The following DNTT variants were observed in gnomAD, a reference collection of about 807,000 sequenced individuals.
The protein encoded by DNTT is nucleosidetriphosphate:DNA deoxynucleotidylexotransferase.
In DNTT, 47 loss-of-function variants were observed where a neutral mutation model predicts 60.9. That is an observed-to-expected ratio of 0.77 (90% CI 0.61 to 0.98). The LOEUF is 0.98. DNTT is among the 50% of genes least tolerant of loss of function. The pLI is 0.00. For synonymous variants in DNTT, 224 were observed against 221.2 expected (o/e 1.01, Z -0.11); for missense variants, 665 against 627.5 (o/e 1.06, Z -0.64).
rs1251801714 is a variant in DNTT, at chr10:96,338,249, C to G, written c.*25C>G. 1 of 1,588,766 alleles carries G rather than the reference C, an allele frequency of 6.3e-7. No individual in the cohort carries two copies. Among genetic ancestry groups the G allele is most frequent in the Non-Finnish European group, 8.6e-7 (1 of 1,167,350 alleles). On this transcript the variant is annotated 3_prime_UTR_variant, in exon 11 of 11. Transcript: ENST00000371174. ...GGAAAGTGTTGTCAACATTTTTTTC[C>G]TATTCTTTTCAAGTTAAATAAATTA...
In DNTT at chr10:96,306,179, C is replaced by T. The variant is rs1046642364; in HGVS notation, c.203+1479C>T. On this transcript the variant is annotated intron_variant, in intron 1 of 10. Transcript: ENST00000371174. ...CACAATCTCGGCTCACTGCAACCTC[C>T]GCCTCCCAGGTGCAAGTGATTCTCC... is the stretch of plus-strand genomic sequence containing the variant. 4.0e-5 allele frequency among the ~76,000 whole-genome samples: 6 copies of T among 151,402 alleles called. No homozygotes were observed. The East Asian group carries it at 9.7e-4, about 25-fold the overall frequency.
chr10:96,321,095 C>T (rs72811058), intron 4 of DNTT, among the ~76,000 whole-genome samples: 15,867 of 152,060 alleles, frequency 0.1, 1,081 homozygotes, highest in South Asian at 0.18. Flanking sequence ...ATAGTGAATC[C>T]GTTCGGGTCT....
At chr10:96,307,601 G>T (rs1394906974) in intron 1 of DNTT, among the ~76,000 whole-genome samples, 1 of 148,662 alleles carries the variant, frequency 6.7e-6, no homozygotes, top group African/African-American at 2.5e-5. Flanking sequence ...TGATCCGCCC[G>T]CCTTGGCCTC....
chr10:96,320,517 T>G, intron 3 of DNTT, 101 bp from the exon 4 acceptor site: 2 of 1,350,788 alleles, frequency 1.5e-6, no homozygotes, highest in Non-Finnish European at 2.1e-6. Flanking sequence ...AACACGCAAG[T>G]GGTATTCCAA....
chr10:96,316,942 A>C (rs1413920923), intron 1 of DNTT, among the ~76,000 whole-genome samples: 1 of 152,174 alleles, frequency 6.6e-6, no homozygotes, highest in Non-Finnish European at 1.5e-5. Flanking sequence ...TATAATAGCA[A>C]ATTTAAAAAT....
At chr10:96,309,420 A>G (rs1289625376) in intron 1 of DNTT, among the ~76,000 whole-genome samples, 1 of 152,286 alleles carries the variant, frequency 6.6e-6, no homozygotes, top group East Asian at 1.9e-4. Flanking sequence ...ACCTGGAATT[A>G]AAAAAGTAGC....
Position 96,332,528 on chromosome 10 carries a change from C to T in DNTT, c.1291C>T (p.Arg431Cys), listed in dbSNP as rs139202533. 110 of 1,614,166 alleles carry T rather than the reference C, an allele frequency of 6.8e-5. No individual in the cohort carries two copies. The highest frequency in any genetic ancestry group is 1.3e-4 in the East Asian group (6 of 44,888). ...GGAAGGAAAGACCTGGAAGGCCATC[C>T]GTGTGGATTTAGTTCTGTGCCCCTA... ...WQEGKTWKAIRVDLVLCPYER... is the reference protein window; with the variant it reads ...WQEGKTWKAICVDLVLCPYER... Residue 431 changes from arginine (R) to cysteine (C), a missense_variant, in exon 9 of 11, where the codon CGT becomes TGT. Transcript: ENST00000371174.
At chr10:96,332,188 T>G (rs1246499939) in intron 8 of DNTT, among the ~76,000 whole-genome samples, 163 bp from the exon 9 acceptor site, 1 of 152,234 alleles carries the variant, frequency 6.6e-6, no homozygotes, top group Non-Finnish European at 1.5e-5. Flanking sequence ...GCAACCACTT[T>G]CTTAGTGTTT....
chr10:96,334,211 G>A (rs117616490), intron 9 of DNTT, among the ~76,000 whole-genome samples: 1,670 of 152,272 alleles, frequency 0.011, 17 homozygotes, highest in Non-Finnish European at 0.018. Context: ...TTACTGTTGG[G>A]TGATCTTGGA....
rs548777657 is a variant in DNTT, at chr10:96,322,585, C to T, written c.679-72C>T. ...TCATGAGAAACCAAACTACTAGGTC[C>T]ATGAATTTGAGAGTCTTAGACAGTA... On this transcript the variant is annotated intron_variant, in intron 4 of 10. Transcript: ENST00000371174. 5 of 1,262,770 alleles carry T rather than the reference C, an allele frequency of 4.0e-6. 1 individual carries two copies. In the East Asian group the frequency reaches 9.7e-5, roughly 25 times the overall value. 78.2% of individuals were successfully genotyped at this position (1,262,770 alleles called of 1,614,324 possible).
chr10:96,307,734 A>ATATATATATAT (rs1564868534), intron 1 of DNTT, among the ~76,000 whole-genome samples: 1,117 of 72,064 alleles, frequency 0.016, 9 homozygotes, highest in Non-Finnish European at 0.024. Flanking sequence ...TATATATATA[A>ATATATATATAT]GCATATATAT....
Position 96,332,555 on chromosome 10 carries a change from G to A in DNTT, c.1318G>A (p.Glu440Lys), listed in dbSNP as rs778652602. Residue 440 changes from glutamate to lysine, a missense_variant, in exon 9 of 11, where the codon GAG becomes AAG. Transcript: ENST00000371174. Reference sequence around the variant, plus strand: ...TGTGGATTTAGTTCTGTGCCCCTACGAGCGTCGTGCCTTTGCCCTGTTGGG... The same window carrying A: ...TGTGGATTTAGTTCTGTGCCCCTACAAGCGTCGTGCCTTTGCCCTGTTGGG... ...IRVDLVLCPY[E>K]RRAFALLGWT... 48 of 1,614,000 alleles carry A rather than the reference G, an allele frequency of 3.0e-5. No individual in the cohort carries two copies. In the South Asian group the frequency reaches 3.5e-4, roughly 12 times the overall value.
At chr10:96,319,188 T>C in intron 2 of DNTT, 74 bp from the exon 3 acceptor site, 1 of 1,522,766 alleles carries the variant, frequency 6.6e-7, no homozygotes, top group Non-Finnish European at 8.9e-7. Flanking sequence ...GACAACTACT[T>C]CCAAATTTTT....
intron 10 of DNTT, 104 bp from the exon 11 acceptor site, chr10:96,338,034 A>C: frequency 1.1e-6 from 1 of 928,498 alleles, no homozygotes; most frequent in Non-Finnish European, 1.6e-6. Flanking sequence ...TTGGGCTGTA[A>C]TTCATTCTGA....
At chr10:96,313,287 T>TA (rs1844743171) in intron 1 of DNTT, among the ~76,000 whole-genome samples, 1 of 152,112 alleles carries the variant, frequency 6.6e-6, no homozygotes, top group Non-Finnish European at 1.5e-5. Context: ...TGTCACCTTT[T>TA]ATTATAAGAA....
rs755933909 is a variant in DNTT, at chr10:96,318,540, G to T, written c.378+14G>T. 10 of 1,611,130 alleles carry T rather than the reference G, an allele frequency of 6.2e-6. No individual in the cohort carries two copies. Among genetic ancestry groups the T allele is most frequent in the Non-Finnish European group, 7.6e-6 (9 of 1,178,430 alleles). ...CACCAGCTTGTTGTAAGTGTCATGGGTGTGATTTTCACTGTTCTTTGCTTG... is the reference window on the plus strand; with the variant it reads ...CACCAGCTTGTTGTAAGTGTCATGGTTGTGATTTTCACTGTTCTTTGCTTG... On this transcript the variant is annotated intron_variant, in intron 2 of 10. Transcript: ENST00000371174.
intron 6 of DNTT, among the ~76,000 whole-genome samples, chr10:96,326,679 G>C (rs561091805): frequency 2.2e-4 from 33 of 152,310 alleles, no homozygotes; most frequent in Non-Finnish European, 4.3e-4. Flanking sequence ...TAGGAAACAG[G>C]CTCCTCTGGA....
At chr10:96,305,966 C>A (rs1844629657) in intron 1 of DNTT, among the ~76,000 whole-genome samples, 4 of 152,162 alleles carry the variant, frequency 2.6e-5, no homozygotes, top group South Asian at 2.1e-4. Flanking sequence ...CATTTTCTAA[C>A]ATCCTTTCCA....
intron 6 of DNTT, among the ~76,000 whole-genome samples, 190 bp downstream of exon 6, chr10:96,324,579 T>A (rs1844918936): frequency 6.6e-6 from 1 of 152,226 alleles, no homozygotes; most frequent in African/African-American, 2.4e-5. Context: ...GGTTAAAACC[T>A]TTGAACCTTA....
Sources: allele counts gnomAD v4.1 joint callset (sites outside exome capture counted in the v4.1 genomes callset), GRCh38; gene constraint gnomAD v4.1.1; transcripts MANE v1.5; gene names NCBI Gene and HGNC (gene_info 2026-07-23, HGNC 2026-07-21).